Variants in ABCA12 observed in about 807,000 individuals in gnomAD.
ABCA12 encodes the protein ATP binding cassette subfamily A member 12.
In ABCA12, 156 loss-of-function variants were observed where a neutral mutation model predicts 293.5. The ratio of observed to expected loss-of-function variants is 0.53; its 90% CI spans 0.47 to 0.61. ABCA12 has a LOEUF of 0.61. ABCA12 is among the 20% of genes least tolerant of loss of function. The pLI is 0.00. For missense variants in ABCA12, 2,797 were observed against 3,090.2 expected (o/e 0.91, Z 2.25); for synonymous variants, 1,063 against 1,108.0 (o/e 0.96, Z 0.81).
intron 4 of ABCA12, among the ~76,000 whole-genome samples, chr2:215,053,889 A>G (rs1701367650): frequency 6.6e-6 from 1 of 152,000 alleles, no homozygotes; most frequent in African/African-American, 2.4e-5. Flanking sequence ...ATTTTTTTTA[A>G]CATGTGGCTT....
chr2:215,059,604 T>G (rs1331204198), intron 3 of ABCA12, among the ~76,000 whole-genome samples: 1 of 151,976 alleles, frequency 6.6e-6, no homozygotes, highest in Admixed American at 6.6e-5. Flanking sequence ...TTATAGTATA[T>G]AGTGAGTAGA....
At chr2:214,934,028 A>G (rs1698143852) in intron 52 of ABCA12, 50 bp downstream of exon 52, 2 of 1,568,916 alleles carry the variant, frequency 1.3e-6, no homozygotes, top group African/African-American at 1.4e-5. Context: ...AGAATGAATA[A>G]TAATATTAAT....
At chr2:215,061,728 C>A (rs1265589694) in intron 3 of ABCA12, among the ~76,000 whole-genome samples, 2 of 149,262 alleles carry the variant, frequency 1.3e-5, no homozygotes, top group Non-Finnish European at 3.0e-5. Flanking sequence ...GCTAGATAAA[C>A]TACCTGGAGG....
intron 23 of ABCA12, among the ~76,000 whole-genome samples, chr2:214,992,979 TTCCAGG>T (rs1177963453): frequency 2.6e-5 from 4 of 152,206 alleles, no homozygotes; most frequent in African/African-American, 9.6e-5. Context: ...AACCTAAGTT[TTCCAGG>T]AAAAAAAAAT....
chr2:215,048,985 G>A (rs897754840), intron 6 of ABCA12, among the ~76,000 whole-genome samples: 1 of 152,106 alleles, frequency 6.6e-6, no homozygotes, highest in African/African-American at 2.4e-5. Context: ...GGAAACAACC[G>A]ACACTGGGAC....
At chr2:214,969,184 T>C (rs922092433) in intron 37 of ABCA12, among the ~76,000 whole-genome samples, 1 of 152,008 alleles carries the variant, frequency 6.6e-6, no homozygotes, top group East Asian at 1.9e-4. Context: ...ATAATATCAG[T>C]TCATATCTTT....
chr2:215,049,177 CA>C (rs1338479492), intron 6 of ABCA12, among the ~76,000 whole-genome samples: 2 of 152,078 alleles, frequency 1.3e-5, no homozygotes, highest in East Asian at 3.9e-4. Flanking sequence ...TGAAAATTCA[CA>C]ATTAAAGAAA....
chr2:214,992,522 C>CCTT (rs1348573399), intron 23 of ABCA12, among the ~76,000 whole-genome samples: 1 of 47,730 alleles, frequency 2.1e-5, no homozygotes, highest in Non-Finnish European at 3.3e-5. Flanking sequence ...TATCCCCCCC[C>CCTT]TTTTTTTTTT....
intron 39 of ABCA12, chr2:214,962,342 C>G (rs1462080436): frequency 1.3e-5 from 2 of 152,070 alleles, no homozygotes; most frequent in African/African-American, 4.8e-5. Context: ...ATTCAAATCC[C>G]ACTTCTAGGC....
At chr2:214,955,096 T>A in intron 43 of ABCA12, 106 bp downstream of exon 43, 1 of 1,408,538 alleles carries the variant, frequency 7.1e-7, no homozygotes, top group Non-Finnish European at 9.8e-7. Context: ...CTCCCAAATT[T>A]AATAGAATCA....
chr2:214,950,693 C>T (rs180765919), intron 45 of ABCA12, among the ~76,000 whole-genome samples, 186 bp downstream of exon 45: 209 of 151,852 alleles, frequency 1.4e-3, no homozygotes, highest in South Asian at 6.7e-3. Flanking sequence ...TCAGTAGAGA[C>T]GTGGTTTCAC....
At chr2:214,994,909 C>T (rs2105981776) in intron 23 of ABCA12, among the ~76,000 whole-genome samples, 1 of 152,130 alleles carries the variant, frequency 6.6e-6, no homozygotes, top group Non-Finnish European at 1.5e-5. Flanking sequence ...ACTGAAAGTC[C>T]CATACATGAC....
chr2:215,136,824 A>G (rs892671791), intron 1 of ABCA12, among the ~76,000 whole-genome samples: 2 of 152,120 alleles, frequency 1.3e-5, no homozygotes, highest in Non-Finnish European at 2.9e-5. Context: ...CTAACTAATC[A>G]TGTCACGTCT....
intron 38 of ABCA12, among the ~76,000 whole-genome samples, chr2:214,967,258 G>A (rs1699283341): frequency 6.6e-6 from 1 of 152,120 alleles, no homozygotes; most frequent in Non-Finnish European, 1.5e-5. Flanking sequence ...CTACATCCCT[G>A]TGGCAGATCC....
Position 215,035,998 on chromosome 2 carries a change from A to C in ABCA12, c.985+955T>G, listed in dbSNP as rs181865955. On this transcript the variant is annotated intron_variant, in intron 8 of 52. Coordinates refer to ENST00000272895, the MANE Select transcript of ABCA12 (RefSeq NM_173076.3). ...TGAAAAGAAAACAGAGGAAATAATT[A>C]TGTTTGTTAGCACATTGTCTGGTTT... is the stretch of plus-strand genomic sequence containing the variant. Among the ~76,000 whole-genome samples the C allele has an allele frequency of 1.2e-4, 19 of 152,322 alleles. 1 individual carries two copies. In the East Asian group the frequency reaches 2.9e-3, roughly 23 times the overall value.
intron 2 of ABCA12, among the ~76,000 whole-genome samples, chr2:215,077,842 A>AG: frequency 6.6e-6 from 1 of 152,162 alleles, no homozygotes; most frequent in African/African-American, 2.4e-5. Flanking sequence ...CCGAGATCGG[A>AG]CCTTTTATCT....
chr2:214,949,552 C>T (rs756860628), intron 45 of ABCA12, among the ~76,000 whole-genome samples: 8 of 152,116 alleles, frequency 5.3e-5, no homozygotes, highest in Non-Finnish European at 1.0e-4. Flanking sequence ...AATAAACTAT[C>T]GCGGCAATAG....
intron 8 of ABCA12, 175 bp from the exon 9 acceptor site, chr2:215,032,071 G>C: frequency 6.8e-7 from 1 of 1,473,110 alleles, no homozygotes; most frequent in Non-Finnish European, 9.0e-7. Flanking sequence ...AAATATTTGT[G>C]ATATTTATAG....
At chr2:215,115,091 A>G (rs181916106) in intron 1 of ABCA12, among the ~76,000 whole-genome samples, 1 of 152,232 alleles carries the variant, frequency 6.6e-6, no homozygotes, top group Non-Finnish European at 1.5e-5. Flanking sequence ...ACAAAAATGC[A>G]ATCTATACCA....
Sources: allele counts gnomAD v4.1 joint callset (sites outside exome capture counted in the v4.1 genomes callset), GRCh38; gene constraint gnomAD v4.1.1; transcripts MANE v1.5; gene names NCBI Gene and HGNC (gene_info 2026-07-23, HGNC 2026-07-21).